The following STON1 variants were observed in gnomAD, a reference collection of about 807,000 sequenced individuals.
STON1 encodes the protein stonin 1.
STON1 carries 79 observed loss-of-function variants against 60.9 expected under a neutral mutation model. The observed-to-expected ratio is 1.30, with a 90% CI of 1.08 to 1.56. The LOEUF is 1.56. STON1 is among the 40% of genes most tolerant of loss of function. The pLI is 0.00. For synonymous variants in STON1, 363 were observed against 306.9 expected (o/e 1.18, Z -1.91); for missense variants, 1,166 against 858.9 (o/e 1.36, Z -4.47).
rs1671578528 is a variant in STON1, at chr2:48,539,640, T to C, written c.-48+9424T>C. Among the ~76,000 whole-genome samples, 6 of 152,120 alleles carry C rather than the reference T, an allele frequency of 3.9e-5. No individual in the cohort carries two copies. In the South Asian group the frequency reaches 1.2e-3, roughly 31 times the overall value. On this transcript the variant is annotated intron_variant, in intron 1 of 3. Transcript: ENST00000404752. ...CCTCAGCCTCCTCAGTAGCTGGGAC[T>C]ACAGGGGCATGCCAGCACACCAGGC... is the stretch of plus-strand genomic sequence containing the variant.
At position 48,592,985 on chromosome 2, in the gene STON1, A is replaced by G. The variant is rs1315849735; in HGVS notation, c.2133+1130A>G. The stretch of plus-strand genomic sequence containing the variant: ...TCTTAGGCAGATGAACTAAAGGAGG[A>G]CATACACTTACATCTGTTTCTAAAC... On this transcript the variant is annotated intron_variant, in intron 3 of 3. Transcript: ENST00000404752. Among the ~76,000 whole-genome samples the G allele has an allele frequency of 3.9e-5, 6 of 152,252 alleles. No homozygotes were observed. The East Asian group carries it at 1.2e-3, about 29-fold the overall frequency.
chr2:48,543,758 C>T (rs1671752986), intron 1 of STON1, among the ~76,000 whole-genome samples: 1 of 152,078 alleles, frequency 6.6e-6, no homozygotes, highest in Non-Finnish European at 1.5e-5. Context: ...TTTTGAACTC[C>T]TAGCCTCAGG....
chr2:48,579,529 G>A (rs189680767), intron 1 of STON1, among the ~76,000 whole-genome samples: 188 of 152,118 alleles, frequency 1.2e-3, no homozygotes, highest in African/African-American at 4.4e-3. Flanking sequence ...GAATTTTTTA[G>A]TTTTCCTTCT....
chr2:48,590,129 G>C (rs1674427910), intron 2 of STON1, among the ~76,000 whole-genome samples: 1 of 152,148 alleles, frequency 6.6e-6, no homozygotes, highest in Non-Finnish European at 1.5e-5. Flanking sequence ...GGACTAAAAA[G>C]AGTAATGGGG....
At chr2:48,547,174 T>A (rs1263279549) in intron 1 of STON1, among the ~76,000 whole-genome samples, 1 of 152,240 alleles carries the variant, frequency 6.6e-6, no homozygotes, top group African/African-American at 2.4e-5. Context: ...ATGAATCAGT[T>A]GATCTCTCTG....
chr2:48,581,357 C>T lies in STON1; in HGVS notation c.724C>T (p.Gln242Ter). The change falls in exon 2 of 4, where the codon CAA becomes TAA. Residue 242 changes from glutamine (Q) to a stop codon, truncating the protein, a stop_gained. Transcript: ENST00000404752. LOFTEE classifies it high-confidence loss of function. ...TGAACATCTCCAGTCAGCTGAGAAC[C>T]AAGACTCACTTAGAAGTTTGTCTAT... ...KLEHLQSAEN[Q>*]DSLRSLSMHC... The T allele has an allele frequency of 1.3e-6, 2 of 1,562,992 alleles. No individual in the cohort carries two copies. The highest frequency in any genetic ancestry group is 1.7e-6 in the Non-Finnish European group (2 of 1,155,856).
At chr2:48,536,034 C>G (rs764992984) in intron 1 of STON1, among the ~76,000 whole-genome samples, 1 of 152,120 alleles carries the variant, frequency 6.6e-6, no homozygotes, top group Non-Finnish European at 1.5e-5. Context: ...TTCCAATGAG[C>G]TGAGATCAGG....
Position 48,581,470 on chromosome 2 carries a change from G to C in STON1, c.837G>C (p.Met279Ile). The C allele has an allele frequency of 1.2e-6, 2 of 1,614,230 alleles. No homozygotes were observed. Among genetic ancestry groups the C allele is most frequent in the Non-Finnish European group, 1.7e-6 (2 of 1,180,040 alleles). ...RSQPKSGWSF[M>I]LRIPEKKNMM... ...AGCCAAAATCCGGATGGTCTTTCAT[G>C]CTGAGAATTCCTGAGAAGAAGAATA... Residue 279 changes from methionine to isoleucine, a missense_variant, in exon 2 of 4, where the codon ATG becomes ATC. Physicochemically the swap from Met to Ile is conservative, Grantham distance 10 (BLOSUM62 1). Coordinates refer to ENST00000404752, the MANE Select transcript of STON1 (RefSeq NM_006873.4).
rs1673869043 is a variant in STON1, at chr2:48,581,315, T to A, written c.682T>A (p.Tyr228Asn). ...AAGCCTAAATAAGTGTTCACTCAACTATATCTGTGAGAAGCTTGAACATCT... is the reference window on the plus strand; with the variant it reads ...AAGCCTAAATAAGTGTTCACTCAACAATATCTGTGAGAAGCTTGAACATCT... ...QKSLNKCSLN[Y>N]ICEKLEHLQS... The change falls in exon 2 of 4, where the codon TAT becomes AAT. Residue 228 changes from tyrosine to asparagine, a missense_variant. Physicochemically the swap from Tyr to Asn is moderately radical, Grantham distance 143. Coordinates refer to ENST00000404752, the MANE Select transcript of STON1 (RefSeq NM_006873.4). The A allele has an allele frequency of 6.5e-7, 1 of 1,530,292 alleles. No individual in the cohort carries two copies. The highest frequency in any genetic ancestry group is 2.3e-5 in the East Asian group (1 of 44,258). 94.8% of individuals were successfully genotyped at this position (1,530,292 alleles called of 1,614,324 possible).
chr2:48,559,954 C>G (rs1375030077), intron 1 of STON1, among the ~76,000 whole-genome samples: 1 of 152,164 alleles, frequency 6.6e-6, no homozygotes, highest in Non-Finnish European at 1.5e-5. Flanking sequence ...ATAGGCCATT[C>G]CAATCTGAAT....
At chr2:48,563,843 G>C (rs1672712802) in intron 1 of STON1, among the ~76,000 whole-genome samples, 1 of 151,902 alleles carries the variant, frequency 6.6e-6, no homozygotes, top group Non-Finnish European at 1.5e-5. Context: ...ACAGCCACAT[G>C]CCACCATGCC....
chr2:48,567,454 C>G lies in STON1; in HGVS notation c.-47-13133C>G, dbSNP rs796831081. On this transcript the variant is annotated intron_variant, in intron 1 of 3. Coordinates refer to ENST00000404752, the MANE Select transcript of STON1 (RefSeq NM_006873.4). ...TGAGATGCAGTCTTGCCCTGTCATC[C>G]AGGCTGGAGTGCAATGGCGCGATCT... Among the ~76,000 whole-genome samples the G allele has an allele frequency of 4.6e-5, 7 of 152,252 alleles. No individual in the cohort carries two copies. The South Asian group carries it at 1.2e-3, about 27-fold the overall frequency.
intron 1 of STON1, 115 bp downstream of exon 1, chr2:48,530,331 C>G: frequency 3.5e-6 from 1 of 287,960 alleles, no homozygotes; most frequent in Non-Finnish European, 6.7e-6. Flanking sequence ...GCGGGCATCT[C>G]CAGGGCCGCT....
intron 1 of STON1, among the ~76,000 whole-genome samples, chr2:48,575,774 T>TTTTTTA (rs1558623201): frequency 1.3e-5 from 2 of 149,118 alleles, no homozygotes; most frequent in Non-Finnish European, 1.5e-5. Context: ...TTTTTTTTTT[T>TTTTTTA]TGAGATGCAG....
intron 1 of STON1, among the ~76,000 whole-genome samples, chr2:48,568,478 T>G (rs1422709252): frequency 1.3e-5 from 2 of 152,186 alleles, no homozygotes; most frequent in South Asian, 2.1e-4. Context: ...AAGTAGACTC[T>G]TGAGGTTGGA....
chr2:48,555,295 C>A lies in STON1; in HGVS notation c.-48+25079C>A, dbSNP rs1263209033. Among the ~76,000 whole-genome samples the A allele has an allele frequency of 6.8e-3, 591 of 87,296 alleles. 40 individuals are homozygous for A. The highest frequency in any genetic ancestry group is 0.025 in the African/African-American group (576 of 22,974). The allele number at this position is 87,296 out of a possible 152,430, so 57.3% of individuals were successfully genotyped here. On this transcript the variant is annotated intron_variant, in intron 1 of 3. Coordinates refer to ENST00000404752, the MANE Select transcript of STON1 (RefSeq NM_006873.4). ...GCAGAGGCGCCCCTCACCTCCCGGA[C>A]GGGGCGGCTGGCCGGGCGGGGGGGG...
At chr2:48,591,406 A>G (rs1674504211) in intron 2 of STON1, among the ~76,000 whole-genome samples, 1 of 151,778 alleles carries the variant, frequency 6.6e-6, no homozygotes, top group South Asian at 2.1e-4. Context: ...TATTTTTGCC[A>G]TTCTTATTCA....
rs760254915 is a variant in STON1, at chr2:48,595,272, A to G, written c.2178A>G (p.Pro726=). 1 of 1,613,962 alleles carries G rather than the reference A, an allele frequency of 6.2e-7. No individual in the cohort carries two copies. The highest frequency in any genetic ancestry group is 8.5e-7 in the Non-Finnish European group (1 of 1,179,808). ...KKWIKIDGED[P]DKIGDCITQ Reference sequence around the variant, plus strand: ...GGATTAAAATCGATGGAGAAGACCCAGATAAAATTGGTGACTGCATAACTC... The same window carrying G: ...GGATTAAAATCGATGGAGAAGACCCGGATAAAATTGGTGACTGCATAACTC... The change falls in exon 4 of 4, where the codon CCA becomes CCG. Residue 726 remains proline (P), a synonymous_variant. Coordinates refer to ENST00000404752, the MANE Select transcript of STON1 (RefSeq NM_006873.4).
chr2:48,590,777 T>G (rs189860553), intron 2 of STON1, among the ~76,000 whole-genome samples: 1 of 152,244 alleles, frequency 6.6e-6, no homozygotes, highest in East Asian at 1.9e-4. Flanking sequence ...AAAACCAATA[T>G]TAGATTAAAA....
Sources: gnomAD v4.1 joint callset for allele counts (sites outside exome capture counted in the v4.1 genomes callset) on GRCh38, gnomAD v4.1.1 for gene constraint, MANE v1.5 for transcripts, NCBI Gene and HGNC (gene_info 2026-07-23, HGNC 2026-07-21) for gene names.